Variants in ZNF710 observed in about 807,000 individuals in gnomAD.
ZNF710 encodes the protein zinc finger protein 710.
In ZNF710, 13 loss-of-function variants were observed where a neutral mutation model predicts 50.6. That is an observed-to-expected ratio of 0.26 (90% CI 0.17 to 0.41). The LOEUF is 0.41. Ranked by LOEUF, ZNF710 falls within the 10% of genes least tolerant of loss-of-function variation. The pLI, the probability that ZNF710 is intolerant of heterozygous loss-of-function variation, is 1.00. For missense variants in ZNF710, 721 were observed against 936.6 expected (o/e 0.77, Z 3.01); for synonymous variants, 383 against 397.0 (o/e 0.96, Z 0.42).
intron 1 of ZNF710, among the ~76,000 whole-genome samples, chr15:90,013,744 T>C (rs1179433885): frequency 6.6e-6 from 1 of 152,188 alleles, no homozygotes; most frequent in East Asian, 1.9e-4. Flanking sequence ...GCCAAATGCC[T>C]TCTCTCGATT....
chr15:90,058,120 A>G (rs923280658), intron 1 of ZNF710, among the ~76,000 whole-genome samples: 15 of 152,198 alleles, frequency 9.9e-5, no homozygotes, highest in African/African-American at 3.4e-4. Flanking sequence ...GGATCAAGAG[A>G]GCGAGGGTTG....
In ZNF710 at chr15:90,015,698, C is replaced by T. The variant is rs544949473; in HGVS notation, c.-29+14084C>T. Among the ~76,000 whole-genome samples, 5 of 151,684 alleles carry T rather than the reference C, an allele frequency of 3.3e-5. No individual in the cohort carries two copies. The East Asian group carries it at 9.7e-4, about 29-fold the overall frequency. ...GCAGCCTCGACCTCCCAGGCTTAAGCGATCCTCCCACCTCAGCTTCCCAAG... is the reference window on the plus strand; with the variant it reads ...GCAGCCTCGACCTCCCAGGCTTAAGTGATCCTCCCACCTCAGCTTCCCAAG... On this transcript the variant is annotated intron_variant, in intron 1 of 4. Transcript: ENST00000268154.
rs1261101039 is a variant in ZNF710 at position 90,040,872 on chromosome 15, T to G, written c.-28-26238T>G. 6.6e-6 allele frequency among the ~76,000 whole-genome samples: 1 copy of G among 152,244 alleles called. No individual in the cohort carries two copies. Among genetic ancestry groups the G allele is most frequent in the Admixed American group, 6.5e-5 (1 of 15,284 alleles). ...CCTCCATATTGTTGCAAGTGAGGAC[T>G]TATCTCTCCACCACCCTATCATTCC... On this transcript the variant is annotated intron_variant, in intron 1 of 4. Transcript: ENST00000268154. This position sits in a 1 kb window ranked among gnomAD's most constrained non-coding sequence, Gnocchi z 4.6.
chr15:90,012,647 G>C (rs1242558706), intron 1 of ZNF710, among the ~76,000 whole-genome samples: 1 of 151,962 alleles, frequency 6.6e-6, no homozygotes, highest in African/African-American at 2.4e-5. Flanking sequence ...AGCAATGAAG[G>C]GGTAATTTCT....
In ZNF710 at chr15:90,068,193, G is replaced by A. The variant is rs1900253404; in HGVS notation, c.1056G>A (p.Lys352=). 1 of 1,614,044 alleles carries A rather than the reference G, an allele frequency of 6.2e-7. No individual in the cohort carries two copies. The highest frequency in any genetic ancestry group is 8.5e-7 in the Non-Finnish European group (1 of 1,180,030). Residue 352 remains lysine, a synonymous_variant, in exon 2 of 5, where the codon AAG becomes AAA. Transcript: ENST00000268154. The surrounding 1 kb of genome is among the most constrained non-coding windows in gnomAD (Gnocchi z 5.0). ...CGCACCAGGGCACCCGGCCCCACAA[G>A]TGCCAGGTATGCCACAAGGCCTTCA... ...LLTHQGTRPH[K]CQVCHKAFTQ... is the part of the protein sequence containing the mutation.
chr15:90,067,791 C>G lies in ZNF710; in HGVS notation c.654C>G (p.Phe218Leu). ...AGGCCTTGCCCACAGAGTGTGGGTT[C>G]GAGCCACCCCACCTGGCCCCCCTGA... is the stretch of plus-strand genomic sequence containing the variant. ...GPEALPTECG[F>L]EPPHLAPLSD... The change falls in exon 2 of 5, where the codon TTC becomes TTG. Residue 218 changes from phenylalanine (F) to leucine (L), a missense_variant. This residue lies in a region of ZNF710 where 326 missense variants were observed against 347.1 expected (regional missense o/e 0.94). Transcript: ENST00000268154. The surrounding 1 kb of genome is among the most constrained non-coding windows in gnomAD (Gnocchi z 8.1). 6.3e-7 allele frequency: 1 copy of G among 1,581,352 alleles called. No individual in the cohort carries two copies. The highest frequency in any genetic ancestry group is 8.6e-7 in the Non-Finnish European group (1 of 1,164,608).
chr15:90,000,995 A>G (rs996841668), upstream of ZNF710, among the ~76,000 whole-genome samples: 12 of 152,164 alleles, frequency 7.9e-5, no homozygotes, highest in African/African-American at 2.4e-4. Context: ...AGAAAAAAAA[A>G]AGAGAGAGAG....
intron 2 of ZNF710, among the ~76,000 whole-genome samples, chr15:90,071,692 T>G (rs1900394290): frequency 6.6e-6 from 1 of 150,474 alleles, no homozygotes; most frequent in Non-Finnish European, 1.5e-5. Flanking sequence ...TTTTTTTTTT[T>G]TTTTGAGACG....
chr15:90,042,660 A>T (rs1899334020), intron 1 of ZNF710, among the ~76,000 whole-genome samples: 2 of 152,212 alleles, frequency 1.3e-5, no homozygotes. Context: ...GAGAGACAGC[A>T]GGAGAAGGGA....
chr15:90,049,797 A>T (rs745610813), intron 1 of ZNF710, among the ~76,000 whole-genome samples: 1 of 152,150 alleles, frequency 6.6e-6, no homozygotes, highest in Non-Finnish European at 1.5e-5. Flanking sequence ...GTGAGCTCCT[A>T]GTAATGAGCA....
chr15:90,027,846 G>A (rs1378765753), intron 1 of ZNF710, among the ~76,000 whole-genome samples: 60 of 133,332 alleles, frequency 4.5e-4, no homozygotes, highest in Admixed American at 7.0e-4. Context: ...ACACTGTCTC[G>A]AAAAAAAAAA....
In ZNF710 at chr15:90,054,501, C is replaced by A. The variant is rs562943704; in HGVS notation, c.-28-12609C>A. ...GGGCTGGGTCTCGGCCCTGGGCCCA[C>A]CCAGCTGGGGCCTGCTCTATCCTGC... On this transcript the variant is annotated intron_variant, in intron 1 of 4. Coordinates refer to ENST00000268154, the MANE Select transcript of ZNF710 (RefSeq NM_198526.4). Among the ~76,000 whole-genome samples the A allele has an allele frequency of 6.2e-4, 94 of 152,250 alleles. 1 individual carries two copies. Among genetic ancestry groups the A allele is most frequent in the Admixed American group, 1.2e-3 (18 of 15,294 alleles).
intron 1 of ZNF710, among the ~76,000 whole-genome samples, chr15:90,017,686 G>A (rs1000596201): frequency 4.6e-5 from 7 of 151,810 alleles, no homozygotes; most frequent in Non-Finnish European, 1.0e-4. Flanking sequence ...GGTGAAGGTG[G>A]GAGTGTCTTG....
chr15:90,057,534 A>G (rs919787958), intron 1 of ZNF710, among the ~76,000 whole-genome samples: 1 of 151,644 alleles, frequency 6.6e-6, no homozygotes, highest in Non-Finnish European at 1.5e-5. Flanking sequence ...CATGTCTACT[A>G]AAAAATCCAA....
In ZNF710 at chr15:90,081,715, G is replaced by C. The variant is rs957912257; in HGVS notation, c.*1886G>C. 3.3e-5 allele frequency: 5 copies of C among 152,556 alleles called. No homozygotes were observed. Among genetic ancestry groups the C allele is most frequent in the African/African-American group, 1.2e-4 (5 of 41,422 alleles). 9.5% of individuals were successfully genotyped at this position (152,556 alleles called of 1,614,324 possible). On this transcript the variant is annotated 3_prime_UTR_variant, in exon 5 of 5. Coordinates refer to ENST00000268154, the MANE Select transcript of ZNF710 (RefSeq NM_198526.4). The stretch of plus-strand genomic sequence containing the variant: ...ACCTCTTCCCACGTCTTTCTCCCCT[G>C]GTACCAAAAAGAACCCTGTACCTCT...
intron 1 of ZNF710, among the ~76,000 whole-genome samples, chr15:90,026,519 G>C (rs556759040): frequency 6.6e-6 from 1 of 152,182 alleles, no homozygotes; most frequent in Admixed American, 6.6e-5. Context: ...TGATAATACT[G>C]ATAATGCTAA....
intron 1 of ZNF710, among the ~76,000 whole-genome samples, chr15:90,051,420 G>T (rs1899643244): frequency 6.6e-6 from 1 of 151,944 alleles, no homozygotes; most frequent in Admixed American, 6.6e-5. Flanking sequence ...GATCGCCTGA[G>T]GTCAGGAGTT....
At chr15:90,079,197 TA>T (rs1396193539) in intron 4 of ZNF710, among the ~76,000 whole-genome samples, 2 of 152,162 alleles carry the variant, frequency 1.3e-5, no homozygotes, top group Non-Finnish European at 2.9e-5. Context: ...TCTGAGCTGC[TA>T]AATGGGGCTG....
intron 1 of ZNF710, among the ~76,000 whole-genome samples, chr15:90,015,983 C>G (rs1374257910): frequency 6.6e-6 from 1 of 152,076 alleles, no homozygotes; most frequent in Non-Finnish European, 1.5e-5. Context: ...TATGTACCAA[C>G]TAAGACATTT....
Sources: gnomAD v4.1 joint callset for allele counts (sites outside exome capture counted in the v4.1 genomes callset) on GRCh38, gnomAD v4.1.1 for gene constraint, gnomAD v4.1.1 regional missense constraint, Gnocchi (gnomAD v3.1) non-coding constraint, MANE v1.5 for transcripts, NCBI Gene and HGNC (gene_info 2026-07-23, HGNC 2026-07-21) for gene names.